BRSK1: variants seen among roughly 807,000 people sequenced by gnomAD.
BRSK1 encodes the protein serine/threonine-protein kinase BRSK1.
A neutral mutation model predicts 86.2 loss-of-function variants in BRSK1; 17 were observed. The ratio of observed to expected loss-of-function variants is 0.20; its 90% CI spans 0.14 to 0.30. BRSK1 has a LOEUF of 0.30. BRSK1 is among the 10% of genes least tolerant of loss of function. The pLI is 1.00. For synonymous variants in BRSK1, 464 were observed against 440.1 expected (o/e 1.05, Z -0.68); for missense variants, 719 against 1,071.9 (o/e 0.67, Z 4.60).
chr19:55,294,095 C>T lies in BRSK1; in HGVS notation c.537C>T (p.Ser179=). Residue 179 remains serine (S), a synonymous_variant, in exon 5 of 19, where the codon TCC becomes TCT. Transcript: ENST00000309383. The surrounding 1 kb of genome is among the most constrained non-coding windows in gnomAD (Gnocchi z 4.9). Reference sequence around the variant, plus strand: ...GCATTGCAGACTTCGGCATGGCGTCCCTGCAGGTGGGGGACAGCCTCCTGG... The same window carrying T: ...GCATTGCAGACTTCGGCATGGCGTCTCTGCAGGTGGGGGACAGCCTCCTGG... The part of the protein sequence containing the change: ...NIRIADFGMA[S]LQVGDSLLET... The T allele has an allele frequency of 6.2e-7, 1 of 1,613,824 alleles. No homozygotes were observed. Among genetic ancestry groups the T allele is most frequent in the Non-Finnish European group, 8.5e-7 (1 of 1,179,814 alleles).
rs2088652566 is a variant in BRSK1, at chr19:55,306,470, T to G, written c.2089+20T>G. ...TCTCGGGTGAGTCTCTTGGCTAGGC[T>G]GCCTGCAGCCCAGTGCTGGGACTGT... is the stretch of plus-strand genomic sequence containing the variant. On this transcript the variant is annotated intron_variant, in intron 17 of 18. Coordinates refer to ENST00000309383, the MANE Select transcript of BRSK1 (RefSeq NM_032430.2). The surrounding 1 kb of genome is among the most constrained non-coding windows in gnomAD (Gnocchi z 4.7). 6.2e-7 allele frequency: 1 copy of G among 1,609,864 alleles called. No homozygotes were observed. Among genetic ancestry groups the G allele is most frequent in the Non-Finnish European group, 8.5e-7 (1 of 1,179,794 alleles).
At chr19:55,307,186 C>T (rs1000832774) in intron 17 of BRSK1, among the ~76,000 whole-genome samples, 5 of 152,314 alleles carry the variant, frequency 3.3e-5, no homozygotes, top group Middle Eastern at 3.4e-3. Context: ...CCAAAGATTT[C>T]TAAACCAAAC....
chr19:55,297,441 G>A (rs887797587), intron 7 of BRSK1, among the ~76,000 whole-genome samples: 1 of 152,200 alleles, frequency 6.6e-6, no homozygotes, highest in African/African-American at 2.4e-5. Flanking sequence ...GTCCCAGGGA[G>A]GGGAAGTGAC....
rs748930795 is a variant in BRSK1, at chr19:55,289,540, G to A, written c.378G>A (p.Gly126=). Residue 126 remains glycine (G), a synonymous_variant, in exon 4 of 19, where the codon GGG becomes GGA. Transcript: ENST00000309383. ...GELFDYLVKK[G]RLTPKEARKF... Reference sequence around the variant, plus strand: ...TATTCGACTACCTGGTAAAGAAGGGGAGACTGACGCCCAAGGAGGCCCGAA... The same window carrying A: ...TATTCGACTACCTGGTAAAGAAGGGAAGACTGACGCCCAAGGAGGCCCGAA... 1.2e-6 allele frequency: 2 copies of A among 1,614,080 alleles called. No homozygotes were observed. Among genetic ancestry groups the A allele is most frequent in the Non-Finnish European group, 1.7e-6 (2 of 1,180,018 alleles).
chr19:55,295,149 A>ATC, intron 7 of BRSK1, among the ~76,000 whole-genome samples: 1 of 135,632 alleles, frequency 7.4e-6, no homozygotes, highest in African/African-American at 2.8e-5. Context: ...TTGAGAGAGG[A>ATC]TCTCTCTCTG....
At chr19:55,295,201 C>T (rs1194498383) in intron 7 of BRSK1, among the ~76,000 whole-genome samples, 1 of 152,092 alleles carries the variant, frequency 6.6e-6, no homozygotes, top group Non-Finnish European at 1.5e-5. Flanking sequence ...CGGCTCACTG[C>T]AGTCTCAATC....
At chr19:55,300,599 G>C (rs1248446963) in intron 7 of BRSK1, among the ~76,000 whole-genome samples, 1 of 152,196 alleles carries the variant, frequency 6.6e-6, no homozygotes, top group African/African-American at 2.4e-5. Flanking sequence ...AGCACTTTGG[G>C]AGGCTGAGGC....
rs1250971666 is a variant in BRSK1 at position 55,287,590 on chromosome 19, A to G, written c.317+291A>G. On this transcript the variant is annotated intron_variant, in intron 3 of 18. Transcript: ENST00000309383. The surrounding 1 kb of genome is among the most constrained non-coding windows in gnomAD (Gnocchi z 5.3). ...TGCATGGAATGCGCTCTGCTAGACA[A>G]GCAGGGTGCCCTCGACCAGACCCAA... Among the ~76,000 whole-genome samples the G allele has an allele frequency of 1.3e-5, 2 of 152,232 alleles. No homozygotes were observed. Among genetic ancestry groups the G allele is most frequent in the African/African-American group, 4.8e-5 (2 of 41,466 alleles).
At chr19:55,299,075 G>C (rs2088532314) in intron 7 of BRSK1, among the ~76,000 whole-genome samples, 1 of 152,116 alleles carries the variant, frequency 6.6e-6, no homozygotes, top group African/African-American at 2.4e-5. Flanking sequence ...AGAATCGCTT[G>C]AACCCGGGAG....
In BRSK1 at chr19:55,289,677, T is replaced by C; in HGVS notation, c.458+57T>C. On this transcript the variant is annotated intron_variant, in intron 4 of 18. Coordinates refer to ENST00000309383, the MANE Select transcript of BRSK1 (RefSeq NM_032430.2). ...TGAGGGCTGCCCAGCAGACAGGCCC[T>C]TGGGGGCATGTGGAGGGCTGAGCAA... The C allele has an allele frequency of 1.9e-6, 3 of 1,590,202 alleles. No homozygotes were observed. In the South Asian group the frequency reaches 3.4e-5, roughly 18 times the overall value.
At chr19:55,297,211 G>A (rs2088501860) in intron 7 of BRSK1, among the ~76,000 whole-genome samples, 1 of 151,810 alleles carries the variant, frequency 6.6e-6, no homozygotes, top group Non-Finnish European at 1.5e-5. Context: ...CAAGTAGCAG[G>A]GACTACAGGC....
At position 55,306,398 on chromosome 19, in the gene BRSK1, G is replaced by C. The variant is rs766099214; in HGVS notation, c.2037G>C (p.Arg679=). The C allele has an allele frequency of 1.9e-6, 3 of 1,613,924 alleles. No homozygotes were observed. The highest frequency in any genetic ancestry group is 2.5e-6 in the Non-Finnish European group (3 of 1,180,048). ...AGGGTCCAGAGCCCTCCCCGCGACG[G>C]GACGGCAGCGGAGGTGGTGGCATCT... ...SSEGPEPSPR[R]DGSGGGGIYS... Residue 679 remains arginine (R), a synonymous_variant, in exon 17 of 19, where the codon CGG becomes CGC. Transcript: ENST00000309383. The surrounding 1 kb of genome is among the most constrained non-coding windows in gnomAD (Gnocchi z 4.7).
chr19:55,285,654 G>T (rs1031090332), intron 1 of BRSK1, among the ~76,000 whole-genome samples: 3 of 152,146 alleles, frequency 2.0e-5, no homozygotes, highest in African/African-American at 7.2e-5. Flanking sequence ...CTCCTGGAGC[G>T]GCTGTGGAAA....
chr19:55,303,794 A>G lies in BRSK1; in HGVS notation c.1254A>G (p.Arg418=). 6.3e-7 allele frequency: 1 copy of G among 1,599,484 alleles called. No individual in the cohort carries two copies. The highest frequency in any genetic ancestry group is 8.5e-7 in the Non-Finnish European group (1 of 1,172,308). Reference sequence around the variant, plus strand: ...GTGGTGGCTCCCCTGTACCCACCCGACGGGCCTTGGAGATGGCCCAGCACA... The same window carrying G: ...GTGGTGGCTCCCCTGTACCCACCCGGCGGGCCTTGGAGATGGCCCAGCACA... ...AGGGGSPVPT[R]RALEMAQHSQ... is the part of the protein sequence containing the mutation. Residue 418 remains arginine (R), a synonymous_variant, in exon 12 of 19, where the codon CGA becomes CGG. Transcript: ENST00000309383. The surrounding 1 kb of genome is among the most constrained non-coding windows in gnomAD (Gnocchi z 5.1).
Position 55,308,878 on chromosome 19 carries a change from T to C in BRSK1, c.2179+150T>C, listed in dbSNP as rs533081090. Reference sequence around the variant, plus strand: ...AGAGGTCCAGCATGAGCAGGTGCTCTGGGGTTTGGTTTGCAGAGGACGCCC... The same window carrying C: ...AGAGGTCCAGCATGAGCAGGTGCTCCGGGGTTTGGTTTGCAGAGGACGCCC... On this transcript the variant is annotated intron_variant, in intron 18 of 18. Coordinates refer to ENST00000309383, the MANE Select transcript of BRSK1 (RefSeq NM_032430.2). 42 of 633,254 alleles carry C rather than the reference T, an allele frequency of 6.6e-5. 1 individual carries two copies. The highest frequency in any genetic ancestry group is 1.2e-4 in the Admixed American group (3 of 25,910). The allele number at this position is 633,254 out of a possible 1,614,324, so 39.2% of individuals were successfully genotyped here.
intron 7 of BRSK1, among the ~76,000 whole-genome samples, chr19:55,300,950 C>T (rs998611707): frequency 3.3e-5 from 5 of 152,134 alleles, no homozygotes; most frequent in South Asian, 2.1e-4. Flanking sequence ...GTGTCCTTGG[C>T]GTTCCTTCAG....
At position 55,308,647 on chromosome 19, in the gene BRSK1, C is replaced by T. The variant is rs1271189057; in HGVS notation, c.2098C>T (p.Arg700Cys). The change falls in exon 18 of 19, where the codon CGT becomes TGT. Residue 700 changes from arginine (R) to cysteine (C), a missense_variant. This residue lies in a region of BRSK1 where 180 missense variants were observed against 259.4 expected (regional missense o/e 0.69). Coordinates refer to ENST00000309383, the MANE Select transcript of BRSK1 (RefSeq NM_032430.2). ...VTFTLISGPSRRFKRVVETIQ... is the reference protein window; with the variant it reads ...VTFTLISGPSCRFKRVVETIQ... ...CCCGCCTGTGCCTCTAGGTCCCAGC[C>T]GTCGGTTCAAGCGAGTGGTGGAGAC... is the stretch of plus-strand genomic sequence containing the variant. The T allele has an allele frequency of 1.2e-6, 2 of 1,604,802 alleles. No individual in the cohort carries two copies. Among genetic ancestry groups the T allele is most frequent in the African/African-American group, 1.4e-5 (1 of 73,640 alleles).
rs1019865969 is a variant in BRSK1, at chr19:55,312,417, C to T, written c.*349C>T. On this transcript the variant is annotated 3_prime_UTR_variant, in exon 19 of 19. Transcript: ENST00000309383. The stretch of plus-strand genomic sequence containing the variant: ...TGTGTCGTCCCCAACCCCCTCTTCC[C>T]GGGCCCCTCCTCCCCTGGTCCTCCC... 4 of 186,990 alleles carry T rather than the reference C, an allele frequency of 2.1e-5. No individual in the cohort carries two copies. The highest frequency in any genetic ancestry group is 2.4e-5 in the African/African-American group (1 of 42,416). The allele number at this position is 186,990 out of a possible 1,614,324, so 11.6% of individuals were successfully genotyped here.
Position 55,287,171 on chromosome 19 carries a change from T to C in BRSK1, c.232-43T>C. 5 of 1,612,860 alleles carry C rather than the reference T, an allele frequency of 3.1e-6. No individual in the cohort carries two copies. The highest frequency in any genetic ancestry group is 1.7e-5 in the Admixed American group (1 of 60,000). On this transcript the variant is annotated intron_variant, in intron 2 of 18. Transcript: ENST00000309383. The surrounding 1 kb of genome is among the most constrained non-coding windows in gnomAD (Gnocchi z 5.3). The stretch of plus-strand genomic sequence containing the variant: ...GGGGCTGAGGGCAGGGGCGGGGCCG[T>C]GCTGACCTCTTTTCCCGTGTCCCCA...
Sources: allele counts gnomAD v4.1 joint callset (sites outside exome capture counted in the v4.1 genomes callset), GRCh38; gene constraint gnomAD v4.1.1; regional missense constraint gnomAD v4.1.1; non-coding constraint Gnocchi (gnomAD v3.1); transcripts MANE v1.5; gene names NCBI Gene and HGNC (gene_info 2026-07-23, HGNC 2026-07-21).